BLTP3A: variants seen among roughly 807,000 people sequenced by gnomAD.
BLTP3A encodes ICBP90 binding protein 1.
the BLTP3A span, chr6:34,835,316 C>T: frequency 6.2e-7 from 1 of 1,614,142 alleles, no homozygotes. Flanking sequence ...AATGTGATAT[C>T]CTCCAAGCTG....
chr6:34,808,918 T>C, the BLTP3A span, among the ~76,000 whole-genome samples: 1 of 152,172 alleles, frequency 6.6e-6, no homozygotes. Flanking sequence ...TTAAGTGAAA[T>C]GCACAAAATT....
chr6:34,848,950 ATTTTTTTT>A, the BLTP3A span, among the ~76,000 whole-genome samples: 1 of 86,866 alleles, frequency 1.2e-5, no homozygotes, highest in Admixed American at 1.2e-4. Context: ...AATTTCTTGC[ATTTTTTTT>A]TTTTTTTTTT....
chr6:34,820,829 T>TTTTG, the BLTP3A span, among the ~76,000 whole-genome samples: 1 of 146,786 alleles, frequency 6.8e-6, no homozygotes, highest in Admixed American at 6.8e-5. Flanking sequence ...TTTTTTTTTT[T>TTTTG]TTTTTAGAGA....
the BLTP3A span, chr6:34,858,054 G>A: frequency 1.9e-6 from 3 of 1,568,474 alleles, no homozygotes; most frequent in African/African-American, 4.1e-5. Flanking sequence ...TCTTTTACAT[G>A]TGTATTAATA....
chr6:34,795,760 A>G, the BLTP3A span, among the ~76,000 whole-genome samples: 1 of 152,172 alleles, frequency 6.6e-6, no homozygotes, highest in Non-Finnish European at 1.5e-5. Flanking sequence ...TCCTTGGCGA[A>G]CACAGTGCCT....
At chr6:34,871,884 C>T in the BLTP3A span, 7 of 1,614,078 alleles carry the variant, frequency 4.3e-6, no homozygotes, top group African/African-American at 1.3e-5. Context: ...CCCAAAAGAA[C>T]AGGTGTTTTT....
chr6:34,833,688 G>A, the BLTP3A span, among the ~76,000 whole-genome samples: 1 of 151,912 alleles, frequency 6.6e-6, no homozygotes, highest in African/African-American at 2.4e-5. Context: ...TAGCACTTTG[G>A]GTGGCCGAGA....
chr6:34,827,614 T>C, the BLTP3A span, among the ~76,000 whole-genome samples: 8 of 152,190 alleles, frequency 5.3e-5, no homozygotes, highest in Non-Finnish European at 8.8e-5. Flanking sequence ...ATGGTCAAAA[T>C]ACTGTTTTTG....
the BLTP3A span, among the ~76,000 whole-genome samples, chr6:34,853,153 T>C: frequency 6.6e-6 from 1 of 152,196 alleles, no homozygotes; most frequent in Non-Finnish European, 1.5e-5. Context: ...TTTTTGGTTC[T>C]TATGATTTCC....
At chr6:34,858,087 T>A in the BLTP3A span, 12 of 1,596,020 alleles carry the variant, frequency 7.5e-6, no homozygotes, top group Non-Finnish European at 1.0e-5. Flanking sequence ...GATACTCAGA[T>A]GACCATTCTG....
At chr6:34,836,347 A>AG in the BLTP3A span, 1 of 1,613,698 alleles carries the variant, frequency 6.2e-7, no homozygotes, top group East Asian at 2.2e-5. Flanking sequence ...CCCGAGAGCC[A>AG]GGTACCCCAT....
At chr6:34,802,604 G>A in the BLTP3A span, among the ~76,000 whole-genome samples, 4 of 152,008 alleles carry the variant, frequency 2.6e-5, no homozygotes, top group East Asian at 1.9e-4. Context: ...CAGGTGATCC[G>A]CCTGCCTCGG....
chr6:34,847,921 C>CTTTCT, the BLTP3A span, among the ~76,000 whole-genome samples: 3 of 91,174 alleles, frequency 3.3e-5, no homozygotes, highest in East Asian at 6.2e-4. Flanking sequence ...TCTTTTTTTC[C>CTTTCT]TTTTTTTTTT....
the BLTP3A span, among the ~76,000 whole-genome samples, chr6:34,832,123 C>CTTTCTTT: frequency 6.3e-5 from 9 of 141,886 alleles, no homozygotes; most frequent in Non-Finnish European, 1.1e-4. Context: ...TTTTTTCTTT[C>CTTTCTTT]TTTTTTTTTT....
At chr6:34,798,997 A>G in the BLTP3A span, among the ~76,000 whole-genome samples, 38 of 152,220 alleles carry the variant, frequency 2.5e-4, no homozygotes, top group Admixed American at 7.9e-4. Context: ...GCTGGAGTGC[A>G]GTGCCATGAT....
chr6:34,817,528 T>C, the BLTP3A span, among the ~76,000 whole-genome samples: 3 of 152,290 alleles, frequency 2.0e-5, no homozygotes, highest in African/African-American at 7.2e-5. Context: ...CAAAGGACTT[T>C]ATTACTCACA....
the BLTP3A span, among the ~76,000 whole-genome samples, chr6:34,795,429 A>G: frequency 7.2e-6 from 1 of 139,432 alleles, no homozygotes; most frequent in Non-Finnish European, 1.5e-5. Flanking sequence ...ACTGAGTCTC[A>G]CTCTGTCGCC....
At chr6:34,811,840 G>A in the BLTP3A span, among the ~76,000 whole-genome samples, 1 of 152,004 alleles carries the variant, frequency 6.6e-6, no homozygotes, top group Non-Finnish European at 1.5e-5. Flanking sequence ...CTGGGCAACA[G>A]AGTGAGACTT....
the BLTP3A span, among the ~76,000 whole-genome samples, chr6:34,847,805 A>T: frequency 8.2e-6 from 1 of 122,642 alleles, no homozygotes; most frequent in Middle Eastern, 5.3e-3. Flanking sequence ...GATCTTTAGT[A>T]TTTATTATTA....
Sources: allele counts gnomAD v4.1 joint callset (sites outside exome capture counted in the v4.1 genomes callset), GRCh38; gene constraint gnomAD v4.1.1; transcripts MANE v1.5; gene names NCBI Gene and HGNC (gene_info 2026-07-23, HGNC 2026-07-21).